Variants in GALNT13 observed in about 807,000 individuals in gnomAD.
GALNT13 encodes the protein polypeptide N-acetylgalactosaminyltransferase 13, also known as UDP-GalNAc:polypeptide N-acetylgalactosaminyltransferase 13.
Under a neutral mutation model 64.2 loss-of-function variants are expected in GALNT13, and 28 were observed. The observed-to-expected ratio is 0.44, with a 90% CI of 0.32 to 0.60. The LOEUF is 0.60. Ranked by LOEUF, GALNT13 falls within the 20% of genes least tolerant of loss-of-function variation. The pLI, the probability that GALNT13 is intolerant of heterozygous loss-of-function variation, is 0.05. For synonymous variants in GALNT13, 214 were observed against 224.6 expected, an observed-to-expected ratio of 0.95 and a Z score of 0.42; for missense variants, 577 against 669.8, an observed-to-expected ratio of 0.86 and a Z score of 1.53.
chr2:153,628,207 CTT>C, the GALNT13 span, among the ~76,000 whole-genome samples: 1 of 151,666 alleles, frequency 6.6e-6, no homozygotes. Flanking sequence ...TATCCTGAGA[CTT>C]TGCTGAAGTT....
the GALNT13 span, among the ~76,000 whole-genome samples, chr2:153,188,941 A>G: frequency 3.9e-5 from 6 of 152,282 alleles, no homozygotes; most frequent in South Asian, 1.2e-3. Context: ...TACTATCACT[A>G]CAAGCATTTA....
chr2:153,599,464 C>T, the GALNT13 span, among the ~76,000 whole-genome samples: 1 of 151,990 alleles, frequency 6.6e-6, no homozygotes, highest in African/African-American at 2.4e-5. Context: ...TTTTTAGCAG[C>T]CACTTATGAG....
chr2:154,096,590 A>C (rs984785445), intron 3 of GALNT13, among the ~76,000 whole-genome samples: 1 of 151,980 alleles, frequency 6.6e-6, no homozygotes, highest in African/African-American at 2.4e-5. Context: ...TTTGATTTCT[A>C]TCAGAAACAA....
chr2:154,041,299 C>A (rs367707202), intron 3 of GALNT13, among the ~76,000 whole-genome samples: 1 of 140,448 alleles, frequency 7.1e-6, no homozygotes, highest in African/African-American at 2.4e-5. Context: ...GCTTGTATTC[C>A]ACAATAACTG....
the GALNT13 span, among the ~76,000 whole-genome samples, chr2:153,860,842 T>C: frequency 6.6e-6 from 1 of 152,212 alleles, no homozygotes; most frequent in African/African-American, 2.4e-5. Context: ...TGATCGTGTG[T>C]ATGATACTCA....
intron 9 of GALNT13, among the ~76,000 whole-genome samples, chr2:154,319,788 G>A (rs1009981495): frequency 5.9e-5 from 9 of 151,612 alleles, no homozygotes; most frequent in African/African-American, 1.9e-4. Flanking sequence ...GCATTATATC[G>A]AACTAGAAAT....
intron 8 of GALNT13, among the ~76,000 whole-genome samples, chr2:154,277,489 C>T (rs1009105632): frequency 2.6e-5 from 4 of 152,182 alleles, no homozygotes; most frequent in African/African-American, 9.6e-5. Flanking sequence ...ACATGACTAC[C>T]AATCGTTTTA....
chr2:154,348,509 C>T (rs960494064), intron 9 of GALNT13, among the ~76,000 whole-genome samples: 23 of 151,964 alleles, frequency 1.5e-4, no homozygotes, highest in Admixed American at 1.5e-3. Context: ...TCACAGGTTT[C>T]CTGGCATGTC....
intron 9 of GALNT13, among the ~76,000 whole-genome samples, chr2:154,369,901 G>C (rs1234018685): frequency 6.6e-6 from 1 of 152,044 alleles, no homozygotes; most frequent in Non-Finnish European, 1.5e-5. Context: ...GGGGGAGAAA[G>C]ATATTTAAAT....
chr2:153,564,142 T>C, the GALNT13 span, among the ~76,000 whole-genome samples: 7 of 152,154 alleles, frequency 4.6e-5, no homozygotes, highest in Admixed American at 1.3e-4. Context: ...TTCTCAGAAG[T>C]TGATGGGCTA....
the GALNT13 span, among the ~76,000 whole-genome samples, chr2:153,746,036 A>G: frequency 6.6e-6 from 1 of 152,220 alleles, no homozygotes; most frequent in Non-Finnish European, 1.5e-5. Flanking sequence ...TTAAAGATGT[A>G]TATACCACCC....
In GALNT13 at chr2:154,320,054, A is replaced by G. The variant is rs551843362; in HGVS notation, c.1156+18465A>G. 2.8e-4 allele frequency among the ~76,000 whole-genome samples: 42 copies of G among 152,218 alleles called. No individual in the cohort carries two copies. The South Asian group carries it at 7.5e-3, about 27-fold the overall frequency. On this transcript the variant is annotated intron_variant, in intron 9 of 12. Coordinates refer to ENST00000392825, the MANE Select transcript of GALNT13 (RefSeq NM_052917.4). ...CATGAGTCCTAATTTTGAGTAACTT[A>G]TGTAATAACAGACTATTATTTCTAT...
chr2:153,417,929 A>G, the GALNT13 span, among the ~76,000 whole-genome samples: 1 of 152,220 alleles, frequency 6.6e-6, no homozygotes, highest in Non-Finnish European at 1.5e-5. Context: ...AGAAATGGGA[A>G]GAAACAATCA....
At chr2:153,431,900 T>C in the GALNT13 span, among the ~76,000 whole-genome samples, 1 of 152,206 alleles carries the variant, frequency 6.6e-6, no homozygotes, top group Non-Finnish European at 1.5e-5. Flanking sequence ...GGACCACATA[T>C]TCATACTTCA....
At chr2:154,300,206 G>A (rs1693359361) in intron 8 of GALNT13, among the ~76,000 whole-genome samples, 1 of 149,222 alleles carries the variant, frequency 6.7e-6, no homozygotes, top group Non-Finnish European at 1.5e-5. Context: ...GAGTTCAAGC[G>A]ATTCTCTTGC....
intron 3 of GALNT13, among the ~76,000 whole-genome samples, chr2:153,970,471 A>G (rs980741131): frequency 6.6e-6 from 1 of 152,144 alleles, no homozygotes. Flanking sequence ...GCCAGGAAGC[A>G]GAATTAGATT....
chr2:153,289,509 C>T, the GALNT13 span, among the ~76,000 whole-genome samples: 2 of 152,162 alleles, frequency 1.3e-5, no homozygotes, highest in Non-Finnish European at 2.9e-5. Flanking sequence ...GAATGTAAGG[C>T]AGAGCTAATG....
chr2:153,252,298 G>C, the GALNT13 span, among the ~76,000 whole-genome samples: 1 of 97,628 alleles, frequency 1.0e-5, no homozygotes, highest in African/African-American at 4.9e-5. Context: ...CATGTCCTTC[G>C]CCCACTTTTT....
intron 2 of GALNT13, among the ~76,000 whole-genome samples, chr2:153,935,848 C>T (rs576338672): frequency 1.3e-5 from 2 of 152,322 alleles, no homozygotes; most frequent in East Asian, 3.9e-4. Flanking sequence ...GGTGTACAAG[C>T]CATTTCTTCC....
Sources: gnomAD v4.1 joint callset for allele counts (sites outside exome capture counted in the v4.1 genomes callset) on GRCh38, gnomAD v4.1.1 for gene constraint, MANE v1.5 for transcripts, NCBI Gene and HGNC (gene_info 2026-07-23, HGNC 2026-07-21) for gene names.